Variants in MTHFD1L observed in about 807,000 individuals in gnomAD.
MTHFD1L encodes monofunctional C1-tetrahydrofolate synthase, mitochondrial.
A neutral mutation model predicts 119.5 loss-of-function variants in MTHFD1L; 81 were observed. The observed-to-expected ratio is 0.68, with a 90% CI of 0.57 to 0.82. MTHFD1L has a LOEUF of 0.82. MTHFD1L is among the 40% of genes least tolerant of loss of function. The probability of loss-of-function intolerance (pLI) is 0.00; values close to 1 mark genes in which losing one functional copy is unlikely to be tolerated. For synonymous variants in MTHFD1L, 430 were observed against 475.2 expected (o/e 0.90, Z 1.24); for missense variants, 1,125 against 1,253.4 (o/e 0.90, Z 1.55).
intron 20 of MTHFD1L, among the ~76,000 whole-genome samples, chr6:150,998,199 A>G (rs1170942626): frequency 2.0e-5 from 3 of 152,164 alleles, no homozygotes; most frequent in Admixed American, 6.5e-5. Flanking sequence ...AATTTATATA[A>G]TGACAAACTA....
Position 150,944,582 on chromosome 6 carries a change from C to G in MTHFD1L, c.1537C>G (p.Gln513Glu). The G allele has an allele frequency of 6.2e-7, 1 of 1,613,012 alleles. No individual in the cohort carries two copies. The highest frequency in any genetic ancestry group is 1.1e-5 in the South Asian group (1 of 90,820). The stretch of plus-strand genomic sequence containing the variant: ...CACGAGGATTCTTCATGAAAACACG[C>G]AAACAGATAAGGTGAGAAGGATGCC... ...IDTRILHENT[Q>E]TDKALYNRLV... is the part of the protein sequence containing the mutation. Residue 513 changes from glutamine (Q) to glutamate (E), a missense_variant, in exon 14 of 28, where the codon CAA (glutamine) becomes GAA (glutamate). Around this residue, in one of 3 missense-constraint regions of MTHFD1L, gnomAD observed 1,058 missense variants for 1,151.2 expected, o/e 0.92. Coordinates refer to ENST00000367321, the MANE Select transcript of MTHFD1L (RefSeq NM_015440.5).
At chr6:150,898,133 C>T (rs989205708) in intron 7 of MTHFD1L, among the ~76,000 whole-genome samples, 4 of 152,140 alleles carry the variant, frequency 2.6e-5, no homozygotes, top group South Asian at 4.1e-4. Context: ...CATGAGCCAC[C>T]GCGCCTGGCC....
intron 26 of MTHFD1L, among the ~76,000 whole-genome samples, chr6:151,044,556 CT>C (rs1787661394): frequency 6.6e-6 from 1 of 152,096 alleles, no homozygotes; most frequent in African/African-American, 2.4e-5. Context: ...CTGCCTCAGC[CT>C]CCCAAAGTGC....
intron 17 of MTHFD1L, 88 bp downstream of exon 17, chr6:150,956,159 A>G: frequency 1.5e-6 from 2 of 1,333,330 alleles, no homozygotes; most frequent in Non-Finnish European, 2.2e-6. Context: ...TTCTTGTCTC[A>G]TCCCCAACCT....
At chr6:150,981,761 G>A (rs147875117) in intron 20 of MTHFD1L, among the ~76,000 whole-genome samples, 29 of 152,248 alleles carry the variant, frequency 1.9e-4, no homozygotes, top group African/African-American at 6.5e-4. Flanking sequence ...ATTTTCACGT[G>A]TAATAATACT....
chr6:151,040,513 C>CCA (rs58533321), intron 26 of MTHFD1L, among the ~76,000 whole-genome samples: 109,500 of 151,722 alleles, frequency 0.72, 39,971 homozygotes, highest in Non-Finnish European at 0.74. Context: ...GAGTTTGAGA[C>CCA]GCCTGGGCAA....
chr6:150,936,556 T>C (rs562234682), intron 11 of MTHFD1L, among the ~76,000 whole-genome samples: 1 of 152,322 alleles, frequency 6.6e-6, no homozygotes, highest in African/African-American at 2.4e-5. Context: ...TTCTTGAAAC[T>C]GATGTTGTTA....
intron 26 of MTHFD1L, among the ~76,000 whole-genome samples, chr6:151,070,051 C>T (rs978755600): frequency 6.6e-6 from 1 of 152,160 alleles, no homozygotes; most frequent in Non-Finnish European, 1.5e-5. Flanking sequence ...AAGTGGACCA[C>T]ACAGTTATGC....
chr6:151,032,740 T>G (rs1362201368), intron 24 of MTHFD1L, among the ~76,000 whole-genome samples: 2 of 152,230 alleles, frequency 1.3e-5, no homozygotes, highest in Non-Finnish European at 2.9e-5. Flanking sequence ...ACTCAGACTC[T>G]TTTTATGTCC....
chr6:151,024,249 A>G (rs544483295), intron 24 of MTHFD1L, among the ~76,000 whole-genome samples: 2 of 152,286 alleles, frequency 1.3e-5, no homozygotes, highest in East Asian at 3.9e-4. Flanking sequence ...TCATGAGAAC[A>G]CTGTGCTTGG....
At chr6:151,049,574 A>AT (rs2128572604) in intron 26 of MTHFD1L, among the ~76,000 whole-genome samples, 1 of 151,218 alleles carries the variant, frequency 6.6e-6, no homozygotes, top group East Asian at 2.0e-4. Flanking sequence ...AGGCAGGAGA[A>AT]TCGCTTGAAC....
At chr6:150,989,790 G>A (rs1279478760) in intron 20 of MTHFD1L, among the ~76,000 whole-genome samples, 1 of 152,134 alleles carries the variant, frequency 6.6e-6, no homozygotes, top group Non-Finnish European at 1.5e-5. Context: ...TCTTAGATGG[G>A]AATAACTGGT....
intron 20 of MTHFD1L, among the ~76,000 whole-genome samples, chr6:150,990,291 G>C (rs1778882354): frequency 6.6e-6 from 1 of 150,788 alleles, no homozygotes; most frequent in Admixed American, 6.8e-5. Flanking sequence ...AAAAAAAAAG[G>C]CTTTTTCAAG....
At chr6:150,912,768 G>A (rs1033760000) in intron 8 of MTHFD1L, 2 of 465,952 alleles carry the variant, frequency 4.3e-6, no homozygotes, top group Non-Finnish European at 8.9e-6. Context: ...AGTGGGAAGT[G>A]AAAAGACCCG....
intron 26 of MTHFD1L, among the ~76,000 whole-genome samples, chr6:151,081,465 C>T (rs1217915738): frequency 5.7e-5 from 8 of 140,466 alleles, no homozygotes; most frequent in African/African-American, 1.9e-4. Flanking sequence ...CCAGGCTGGC[C>T]AACATGGTGA....
intron 24 of MTHFD1L, chr6:151,022,001 A>G: frequency 2.1e-6 from 1 of 471,008 alleles, no homozygotes; most frequent in Non-Finnish European, 4.4e-6. Context: ...GTTTTTATTA[A>G]AAGGTCTTTC....
At chr6:151,066,759 C>T (rs1400099692) in intron 26 of MTHFD1L, among the ~76,000 whole-genome samples, 6 of 147,852 alleles carry the variant, frequency 4.1e-5, no homozygotes, top group East Asian at 2.0e-4. Flanking sequence ...AGCAAAACTC[C>T]GTCTCAAAAA....
intron 20 of MTHFD1L, among the ~76,000 whole-genome samples, chr6:150,986,806 G>C (rs2128433913): frequency 6.6e-6 from 1 of 152,298 alleles, no homozygotes; most frequent in African/African-American, 2.4e-5. Context: ...CCAGGTTCAA[G>C]TGATTCTCCT....
chr6:150,916,976 T>G (rs550673982), intron 8 of MTHFD1L, among the ~76,000 whole-genome samples: 248 of 149,670 alleles, frequency 1.7e-3, no homozygotes, highest in Non-Finnish European at 3.3e-3. Context: ...GGTCAGGCTG[T>G]TCTCAAACCC....
Sources: allele counts gnomAD v4.1 joint callset (sites outside exome capture counted in the v4.1 genomes callset), GRCh38; gene constraint gnomAD v4.1.1; regional missense constraint gnomAD v4.1.1; transcripts MANE v1.5; gene names NCBI Gene and HGNC (gene_info 2026-07-23, HGNC 2026-07-21).